NAALADL2: variants seen among roughly 807,000 people sequenced by gnomAD.
The protein encoded by NAALADL2 is N-acetylated alpha-linked acidic dipeptidase like 2.
A neutral mutation model predicts 87.2 loss-of-function variants in NAALADL2; 76 were observed. That is an observed-to-expected ratio of 0.87 (90% CI 0.72 to 1.05). The LOEUF (loss-of-function observed/expected upper bound fraction) is 1.05, where lower values mean the gene tolerates loss of function less well. Ranked by LOEUF, NAALADL2 falls within the 50% of genes least tolerant of loss-of-function variation. The pLI is 0.00. For synonymous variants in NAALADL2, 354 were observed against 331.0 expected (o/e 1.07, Z -0.75); for missense variants, 1,089 against 945.8 (o/e 1.15, Z -1.99).
rs146219141 is a variant in NAALADL2 at position 175,412,382 on chromosome 3, C to A, written c.1091-34847C>A. 2.0e-5 allele frequency among the ~76,000 whole-genome samples: 3 copies of A among 152,208 alleles called. No homozygotes were observed. The East Asian group carries it at 5.8e-4, about 29-fold the overall frequency. On this transcript the variant is annotated intron_variant, in intron 5 of 13. Transcript: ENST00000454872. ...TGTTTGGGCTTTTACAAAAATTGAA[C>A]TTTACTGTAAAAATATTTTCAGTGT...
At chr3:174,990,618 CA>C (rs1233592286) in intron 1 of NAALADL2, among the ~76,000 whole-genome samples, 1 of 151,602 alleles carries the variant, frequency 6.6e-6, no homozygotes. Flanking sequence ...CGATAAAAAC[CA>C]AAAAAAGCTG....
chr3:175,358,350 C>CT (rs1005019332), intron 5 of NAALADL2, among the ~76,000 whole-genome samples: 3 of 151,650 alleles, frequency 2.0e-5, no homozygotes, highest in Non-Finnish European at 2.9e-5. Context: ...ATTTTTCATT[C>CT]TTTTTTACAG....
At chr3:174,777,381 A>G (rs568601117) in intron 3 of NAALADL2, among the ~76,000 whole-genome samples, 2 of 152,240 alleles carry the variant, frequency 1.3e-5, no homozygotes, top group East Asian at 3.9e-4. Flanking sequence ...CCCTAAAATG[A>G]TTTAAAAGTT....
intron 1 of NAALADL2, among the ~76,000 whole-genome samples, chr3:174,444,944 C>T (rs1190515191): frequency 1.3e-5 from 2 of 151,268 alleles, no homozygotes; most frequent in African/African-American, 2.4e-5. Flanking sequence ...CAACATTACT[C>T]ATAGATATTG....
intron 5 of NAALADL2, among the ~76,000 whole-genome samples, chr3:175,373,431 G>T (rs1375618476): frequency 6.6e-6 from 1 of 152,066 alleles, no homozygotes; most frequent in East Asian, 1.9e-4. Context: ...ATGTCCTGTA[G>T]TAATATGCCT....
chr3:174,843,664 T>G (rs911601497), intron 3 of NAALADL2, among the ~76,000 whole-genome samples: 1 of 152,126 alleles, frequency 6.6e-6, no homozygotes, highest in African/African-American at 2.4e-5. Context: ...CAACAATGTG[T>G]AAGTGTTCCC....
chr3:174,954,082 T>A (rs1324962799), intron 1 of NAALADL2, among the ~76,000 whole-genome samples: 1 of 152,096 alleles, frequency 6.6e-6, no homozygotes, highest in African/African-American at 2.4e-5. Context: ...TTTGACCCCA[T>A]TAGTGATGGC....
intron 5 of NAALADL2, among the ~76,000 whole-genome samples, chr3:175,427,292 G>C (rs1286675897): frequency 6.6e-6 from 1 of 152,158 alleles, no homozygotes; most frequent in African/African-American, 2.4e-5. Flanking sequence ...TTGGGGGGTA[G>C]TTTCTCATAT....
At chr3:174,509,688 A>G (rs916284294) in intron 1 of NAALADL2, among the ~76,000 whole-genome samples, 5 of 146,470 alleles carry the variant, frequency 3.4e-5, no homozygotes, top group Non-Finnish European at 7.4e-5. Context: ...GGGCTCCCAA[A>G]GTGCTGGGAT....
intron 1 of NAALADL2, among the ~76,000 whole-genome samples, chr3:175,051,390 C>T (rs1278342306): frequency 2.0e-5 from 3 of 152,094 alleles, no homozygotes; most frequent in Admixed American, 2.0e-4. Flanking sequence ...AGGCAACATT[C>T]AAGTCTGGAC....
intron 13 of NAALADL2, among the ~76,000 whole-genome samples, chr3:175,794,176 T>C (rs1753168068): frequency 6.6e-6 from 1 of 152,166 alleles, no homozygotes; most frequent in Non-Finnish European, 1.5e-5. Context: ...CAAAAGCCTG[T>C]AGGGTATTCA....
chr3:175,708,177 A>C (rs1740001474), intron 11 of NAALADL2, among the ~76,000 whole-genome samples: 3 of 152,118 alleles, frequency 2.0e-5, no homozygotes, highest in Admixed American at 1.3e-4. Flanking sequence ...ACGCTAGAGA[A>C]GTAAGAAGCC....
At position 174,851,856 on chromosome 3, in the gene NAALADL2, A is replaced by G. The variant is rs1316570763; in HGVS notation, c.-9+114110A>G. ...AAATATTAGCAAACTGAATTCAACAACACATTAAAAAGATCACTTATCAAG... is the reference window on the plus strand; with the variant it reads ...AAATATTAGCAAACTGAATTCAACAGCACATTAAAAAGATCACTTATCAAG... On this transcript the variant is annotated intron_variant, in intron 3 of 3. Coordinates refer to the NAALADL2 transcript ENST00000434257. 2.6e-5 allele frequency among the ~76,000 whole-genome samples: 4 copies of G among 152,060 alleles called. No individual in the cohort carries two copies. In the East Asian group the frequency reaches 7.7e-4, roughly 29 times the overall value.
chr3:175,477,330 C>G (rs572988066), intron 9 of NAALADL2, among the ~76,000 whole-genome samples: 2 of 152,246 alleles, frequency 1.3e-5, no homozygotes, highest in East Asian at 1.9e-4. Context: ...TCTGTATTGA[C>G]TGCATTAACA....
intron 2 of NAALADL2, among the ~76,000 whole-genome samples, chr3:175,110,783 C>T (rs1724055092): frequency 6.6e-6 from 1 of 151,562 alleles, no homozygotes; most frequent in Non-Finnish European, 1.5e-5. Flanking sequence ...AAATAATTTG[C>T]TGATTGGTTC....
intron 5 of NAALADL2, among the ~76,000 whole-genome samples, chr3:175,369,240 G>A (rs1766118816): frequency 6.6e-6 from 1 of 152,030 alleles, no homozygotes; most frequent in Non-Finnish European, 1.5e-5. Flanking sequence ...GTATGTGTGT[G>A]CCTGTGTGCG....
intron 11 of NAALADL2, among the ~76,000 whole-genome samples, chr3:175,645,821 C>T (rs183963744): frequency 2.7e-3 from 408 of 152,162 alleles, no homozygotes; most frequent in Non-Finnish European, 5.0e-3. Context: ...GTTCTAAAAA[C>T]CAATAAATTG....
chr3:174,831,434 A>C (rs1206833349), intron 3 of NAALADL2, among the ~76,000 whole-genome samples: 1 of 140,308 alleles, frequency 7.1e-6, no homozygotes, highest in Non-Finnish European at 1.5e-5. Context: ...ATATTGAACC[A>C]GCCTTGCATC....
At chr3:175,551,606 T>A (rs762506916) in intron 9 of NAALADL2, among the ~76,000 whole-genome samples, 1 of 152,164 alleles carries the variant, frequency 6.6e-6, no homozygotes, top group Non-Finnish European at 1.5e-5. Flanking sequence ...ATGACAAAGT[T>A]CACACAAGAG....
Sources: allele counts gnomAD v4.1 joint callset (sites outside exome capture counted in the v4.1 genomes callset), GRCh38; gene constraint gnomAD v4.1.1; transcripts MANE v1.5; gene names NCBI Gene and HGNC (gene_info 2026-07-23, HGNC 2026-07-21).